The following ADARB1 variants were observed in gnomAD, a reference collection of about 807,000 sequenced individuals.
The protein encoded by ADARB1 is adenosine deaminase RNA specific B1, also known as double-stranded RNA-specific editase 1.
In ADARB1, 10 loss-of-function variants were observed where a neutral mutation model predicts 52.4. That is an observed-to-expected ratio of 0.19 (90% CI 0.12 to 0.32). The LOEUF is 0.32. ADARB1 is among the 10% of genes least tolerant of loss of function. ADARB1 has a pLI of 1.00. For synonymous variants in ADARB1, 349 were observed against 371.1 expected, an observed-to-expected ratio of 0.94 and a Z score of 0.68; for missense variants, 643 against 922.3, an observed-to-expected ratio of 0.70 and a Z score of 3.92.
chr21:45,100,749 T>A (rs1044530237), intron 1 of ADARB1: 2 of 152,462 alleles, frequency 1.3e-5, no homozygotes, highest in Non-Finnish European at 2.9e-5. Context: ...CTGTCAAGCG[T>A]CTCTGTTGCT....
intron 8 of ADARB1, among the ~76,000 whole-genome samples, chr21:45,203,170 C>T (rs1232031164): frequency 6.6e-6 from 1 of 152,208 alleles, no homozygotes; most frequent in African/African-American, 2.4e-5. Flanking sequence ...CCTCCCTCAT[C>T]AAGCTCCTGG....
intron 1 of ADARB1, among the ~76,000 whole-genome samples, chr21:45,115,492 T>G (rs760835090): frequency 2.8e-4 from 42 of 152,248 alleles, no homozygotes; most frequent in Non-Finnish European, 5.4e-4. Context: ...AGTTAGATTG[T>G]CTGTATCATC....
intron 1 of ADARB1, among the ~76,000 whole-genome samples, chr21:45,113,060 C>T (rs1020978380): frequency 1.3e-5 from 2 of 152,142 alleles, no homozygotes; most frequent in Non-Finnish European, 2.9e-5. Flanking sequence ...AAAGGGAAAT[C>T]TACTTGCCTT....
chr21:45,197,134 C>T (rs1032398784), intron 8 of ADARB1, among the ~76,000 whole-genome samples: 1 of 152,302 alleles, frequency 6.6e-6, no homozygotes, highest in South Asian at 2.1e-4. Context: ...GCTGAGATTG[C>T]GCCACTGCAC....
chr21:45,118,745 C>G (rs1033570519), intron 1 of ADARB1: 1 of 152,220 alleles, frequency 6.6e-6, no homozygotes, highest in African/African-American at 2.4e-5. Context: ...GGGATCACCC[C>G]TTAGAAAACC....
Position 45,221,912 on chromosome 21 carries a change from C to G in ADARB1, c.1927-106C>G. The G allele has an allele frequency of 6.2e-6, 8 of 1,296,660 alleles. No homozygotes were observed. Among genetic ancestry groups the G allele is most frequent in the Non-Finnish European group, 8.5e-6 (8 of 938,332 alleles). The allele number at this position is 1,296,660 out of a possible 1,614,324, so 80.3% of individuals were successfully genotyped here. Reference sequence around the variant, plus strand: ...CGCCTTCCTCTGGGTTGCTTTCCCCCCAGAAGCCAATGCAGTTCTGAAGGC... The same window carrying G: ...CGCCTTCCTCTGGGTTGCTTTCCCCGCAGAAGCCAATGCAGTTCTGAAGGC... On this transcript the variant is annotated intron_variant, in intron 10 of 10. Transcript: ENST00000348831. The surrounding 1 kb of genome is among the most constrained non-coding windows in gnomAD (Gnocchi z 4.9).
intron 1 of ADARB1, among the ~76,000 whole-genome samples, chr21:45,081,625 A>G (rs966962777): frequency 3.3e-5 from 5 of 152,148 alleles, no homozygotes; most frequent in Non-Finnish European, 5.9e-5. Flanking sequence ...GTCAAGGAGC[A>G]CCTGTGCTGT....
intron 1 of ADARB1, among the ~76,000 whole-genome samples, chr21:45,123,297 A>C (rs200182061): frequency 6.7e-6 from 1 of 149,726 alleles, no homozygotes; most frequent in African/African-American, 2.5e-5. Flanking sequence ...GTGTGTGTAT[A>C]ATTAATTATA....
At chr21:45,109,153 G>T (rs958616683) in intron 1 of ADARB1, among the ~76,000 whole-genome samples, 1 of 150,966 alleles carries the variant, frequency 6.6e-6, no homozygotes, top group East Asian at 2.0e-4. Flanking sequence ...GTGTGCGCGC[G>T]TGTGCGTATA....
chr21:45,124,072 A>G (rs2088389324), intron 1 of ADARB1, among the ~76,000 whole-genome samples: 1 of 152,250 alleles, frequency 6.6e-6, no homozygotes, highest in South Asian at 2.1e-4. Flanking sequence ...GATTACATAA[A>G]TCGATTTTCA....
intron 9 of ADARB1, among the ~76,000 whole-genome samples, chr21:45,215,971 T>C (rs1440237928): frequency 1.3e-5 from 2 of 152,216 alleles, no homozygotes; most frequent in Admixed American, 6.5e-5. Context: ...GTAAGAAAAT[T>C]CTAACTACAA....
At chr21:45,144,712 G>GT (rs1569064889) in intron 2 of ADARB1, 1 of 440,490 alleles carries the variant, frequency 2.3e-6, no homozygotes, top group Non-Finnish European at 4.5e-6. Flanking sequence ...GTAACTTCAT[G>GT]TGAAATGACT....
At chr21:45,144,000 G>A (rs1290452615) in intron 2 of ADARB1, among the ~76,000 whole-genome samples, 3 of 152,150 alleles carry the variant, frequency 2.0e-5, no homozygotes, top group South Asian at 2.1e-4. Context: ...AGATGTTAAC[G>A]TCTTTGTTCA....
At chr21:45,097,319 A>G (rs555287555) in intron 1 of ADARB1, among the ~76,000 whole-genome samples, 27 of 152,302 alleles carry the variant, frequency 1.8e-4, no homozygotes, top group Middle Eastern at 6.8e-3. Context: ...GGAGGCTAAC[A>G]TGATTTTCGG....
intron 9 of ADARB1, among the ~76,000 whole-genome samples, chr21:45,214,675 A>G (rs1271530089): frequency 6.6e-6 from 1 of 152,218 alleles, no homozygotes; most frequent in Non-Finnish European, 1.5e-5. Flanking sequence ...CTTGTCAAAA[A>G]TCAGCTGGCA....
chr21:45,214,088 G>A (rs749082041), intron 9 of ADARB1, among the ~76,000 whole-genome samples: 1 of 152,212 alleles, frequency 6.6e-6, no homozygotes, highest in Non-Finnish European at 1.5e-5. Flanking sequence ...TTTAGCAGGT[G>A]TTTAGTGATA....
intron 6 of ADARB1, 65 bp from the exon 7 acceptor site, chr21:45,183,297 A>G: frequency 6.9e-7 from 1 of 1,456,882 alleles, no homozygotes; most frequent in Middle Eastern, 2.1e-4. Flanking sequence ...GCCTCTGAAA[A>G]TGATAGACTA....
chr21:45,169,373 T>C (rs1463514268), intron 2 of ADARB1, among the ~76,000 whole-genome samples: 3 of 152,220 alleles, frequency 2.0e-5, no homozygotes, highest in African/African-American at 4.8e-5. Context: ...TTTTCTGTCT[T>C]GCTGGGCTAC....
At chr21:45,123,058 T>G (rs2088300793) in intron 1 of ADARB1, among the ~76,000 whole-genome samples, 1 of 152,204 alleles carries the variant, frequency 6.6e-6, no homozygotes, top group African/African-American at 2.4e-5. Flanking sequence ...GCTGGCATTT[T>G]TTTTTGTTCT....
Sources: allele counts gnomAD v4.1 joint callset (sites outside exome capture counted in the v4.1 genomes callset), GRCh38; gene constraint gnomAD v4.1.1; non-coding constraint Gnocchi (gnomAD v3.1); transcripts MANE v1.5; gene names NCBI Gene and HGNC (gene_info 2026-07-23, HGNC 2026-07-21).